Variants in RMDN2 observed in about 807,000 individuals in gnomAD.
RMDN2 encodes the protein regulator of microtubule dynamics 2.
In RMDN2, 61 loss-of-function variants were observed where a neutral mutation model predicts 52.8. The observed-to-expected ratio is 1.16, with a 90% CI of 0.94 to 1.43. The LOEUF is 1.43. Among genes scored for constraint, RMDN2 ranks in the 40% most tolerant of loss-of-function variants. RMDN2 has a pLI of 0.00. For synonymous variants in RMDN2, 180 were observed against 153.1 expected, an observed-to-expected ratio of 1.18 and a Z score of -1.30; for missense variants, 592 against 475.3, an observed-to-expected ratio of 1.25 and a Z score of -2.28.
intron 2 of RMDN2, chr2:37,950,581 G>T: frequency 1.2e-6 from 2 of 1,613,142 alleles, no homozygotes; most frequent in Non-Finnish European, 1.7e-6. Flanking sequence ...AATTTACAAT[G>T]GGAAAGTGCT....
chr2:37,945,958 C>T (rs1438551666), intron 2 of RMDN2, among the ~76,000 whole-genome samples: 1 of 152,160 alleles, frequency 6.6e-6, no homozygotes, highest in African/African-American at 2.4e-5. Flanking sequence ...TCAGACTTGA[C>T]CTCTCAAGGT....
intron 10 of RMDN2, among the ~76,000 whole-genome samples, chr2:38,045,296 C>G (rs1681204143): frequency 6.6e-6 from 1 of 152,104 alleles, no homozygotes; most frequent in African/African-American, 2.4e-5. Context: ...ACAGTCGAAC[C>G]AGTTTTGCAT....
chr2:38,008,275 C>T (rs1677411131), intron 10 of RMDN2, among the ~76,000 whole-genome samples: 1 of 151,994 alleles, frequency 6.6e-6, no homozygotes, highest in African/African-American at 2.4e-5. Flanking sequence ...AACTTTCTGT[C>T]TCGTTGATCT....
intron 10 of RMDN2, among the ~76,000 whole-genome samples, chr2:38,041,799 C>G (rs564892613): frequency 1.3e-5 from 2 of 152,210 alleles, no homozygotes; most frequent in African/African-American, 4.8e-5. Context: ...GAATAAACCC[C>G]ACTTGGGCAC....
rs116218236 is a variant in RMDN2, at chr2:38,038,981, G to A, written c.1714-28001G>A. ...AGGGTGTTCCCTTCTGCTCAGTTTT[G>A]ATTTGAGCTTTGCAAGTGACAATGA... On this transcript the variant is annotated intron_variant, in intron 10 of 10. Transcript: ENST00000234195. 5.1e-3 allele frequency among the ~76,000 whole-genome samples: 769 copies of A among 150,530 alleles called. 9 individuals are homozygous for A. Among genetic ancestry groups the A allele is most frequent in the African/African-American group, 0.017 (704 of 41,116 alleles).
intron 4 of RMDN2, among the ~76,000 whole-genome samples, chr2:37,977,498 G>T (rs187968483): frequency 6.6e-6 from 1 of 151,444 alleles, no homozygotes; most frequent in Non-Finnish European, 1.5e-5. Flanking sequence ...GGCGGCTGCC[G>T]GGCGGAGACG....
intron 2 of RMDN2, among the ~76,000 whole-genome samples, chr2:37,930,077 T>G (rs1173099861): frequency 6.6e-6 from 1 of 152,252 alleles, no homozygotes; most frequent in Non-Finnish European, 1.5e-5. Context: ...TCAAAAGAAC[T>G]TTCCGCAGTG....
At chr2:38,002,924 G>A (rs73926954) in intron 8 of RMDN2, 6 of 152,346 alleles carry the variant, frequency 3.9e-5, no homozygotes, top group African/African-American at 7.2e-5. Flanking sequence ...TCAAAACAGC[G>A]AAAGCTGACT....
intron 1 of RMDN2, chr2:37,928,634 A>G (rs142581632): frequency 2.0e-5 from 3 of 152,266 alleles, no homozygotes; most frequent in East Asian, 1.9e-4. Context: ...TGCTCACATA[A>G]TCTGCCTTTT....
chr2:38,045,389 T>G (rs149994502), intron 10 of RMDN2, among the ~76,000 whole-genome samples: 504 of 152,306 alleles, frequency 3.3e-3, no homozygotes, highest in African/African-American at 0.012. Flanking sequence ...GCTGCACAAA[T>G]GTAGGCTCCT....
chr2:37,947,704 A>T (rs1429058733), intron 2 of RMDN2, among the ~76,000 whole-genome samples: 1 of 152,244 alleles, frequency 6.6e-6, no homozygotes, highest in Non-Finnish European at 1.5e-5. Context: ...GAATGATACT[A>T]CACTCAGATC....
intron 2 of RMDN2, among the ~76,000 whole-genome samples, chr2:37,935,465 G>A (rs188057182): frequency 1.3e-5 from 2 of 152,290 alleles, no homozygotes; most frequent in South Asian, 2.1e-4. Flanking sequence ...TCATTGTGTG[G>A]TGATTTATAT....
intron 1 of RMDN2, among the ~76,000 whole-genome samples, chr2:37,926,941 A>AAT (rs1666329431): frequency 6.6e-6 from 1 of 152,024 alleles, no homozygotes; most frequent in South Asian, 2.1e-4. Flanking sequence ...AAAAAAAAAA[A>AAT]GCTATGTAAA....
chr2:37,930,266 G>T (rs1454967611), intron 2 of RMDN2, among the ~76,000 whole-genome samples: 1 of 152,230 alleles, frequency 6.6e-6, no homozygotes, highest in African/African-American at 2.4e-5. Flanking sequence ...ACTGGCTACT[G>T]AATTTTAGTG....
chr2:37,943,283 AAGAC>A (rs1397338917), intron 2 of RMDN2, among the ~76,000 whole-genome samples: 3 of 152,188 alleles, frequency 2.0e-5, no homozygotes, highest in Non-Finnish European at 4.4e-5. Flanking sequence ...CCTGAAAAAG[AAGAC>A]AGATGACTGG....
chr2:37,957,659 T>G (rs1669654848), intron 2 of RMDN2, among the ~76,000 whole-genome samples: 1 of 152,200 alleles, frequency 6.6e-6, no homozygotes, highest in Non-Finnish European at 1.5e-5. Context: ...TTAGATCCAA[T>G]TTGTCTATTT....
At chr2:38,002,163 T>G (rs1676407885) in intron 8 of RMDN2, among the ~76,000 whole-genome samples, 1 of 152,220 alleles carries the variant, frequency 6.6e-6, no homozygotes, top group South Asian at 2.1e-4. Context: ...TATAAGGTGT[T>G]GGACCACTTC....
At chr2:37,935,786 T>C (rs765358724) in intron 2 of RMDN2, among the ~76,000 whole-genome samples, 2 of 152,208 alleles carry the variant, frequency 1.3e-5, no homozygotes, top group Non-Finnish European at 2.9e-5. Flanking sequence ...CATATTGATA[T>C]GTATATATAT....
intron 8 of RMDN2, 75 bp from the exon 9 acceptor site, chr2:38,003,916 T>C: frequency 8.8e-7 from 1 of 1,129,970 alleles, no homozygotes; most frequent in Non-Finnish European, 1.3e-6. Flanking sequence ...TTTATTTAAA[T>C]ATATTCTCTT....
Sources: gnomAD v4.1 joint callset for allele counts (sites outside exome capture counted in the v4.1 genomes callset) on GRCh38, gnomAD v4.1.1 for gene constraint, MANE v1.5 for transcripts, NCBI Gene and HGNC (gene_info 2026-07-23, HGNC 2026-07-21) for gene names.